MTM1: variants seen among roughly 807,000 people sequenced by gnomAD.
MTM1 encodes myotubularin.
MTM1 carries 9 observed loss-of-function variants against 52.1 expected under a neutral mutation model. That is an observed-to-expected ratio of 0.17 (90% CI 0.10 to 0.30). The LOEUF (loss-of-function observed/expected upper bound fraction) is 0.30. Among genes scored for constraint, MTM1 ranks in the 10% least tolerant of loss-of-function variants. The pLI is 1.00. For missense variants in MTM1, 277 were observed against 470.7 expected, an observed-to-expected ratio of 0.59 and a Z score of 3.81; for synonymous variants, 136 against 163.8, an observed-to-expected ratio of 0.83 and a Z score of 1.29.
chrX:150,641,511 TCTATC>T, intron 8 of MTM1, 93 bp downstream of exon 8: 1 of 1,042,085 alleles, frequency 9.6e-7, no homozygotes, highest in Non-Finnish European at 1.3e-6. Flanking sequence ...CTTTTGGAAT[TCTATC>T]CCAAAAAATA....
upstream of MTM1, among the ~76,000 whole-genome samples, chrX:150,566,511 G>A (rs782696940): frequency 7.2e-5 from 8 of 111,615 alleles, no homozygotes; most frequent in South Asian, 1.5e-3. Context: ...CACCTACACC[G>A]TGAGACAGGC....
chrX:150,626,157 T>C lies in MTM1; in HGVS notation c.444+7018T>C, dbSNP rs782080510. On this transcript the variant is annotated intron_variant, in intron 6 of 14. Coordinates refer to ENST00000370396, the MANE Select transcript of MTM1 (RefSeq NM_000252.3). ...CTTAAACACTACCATATCTACCCCA[T>C]GTCCTCTCTTGCTCTACTCCAGTTG... 2.7e-5 allele frequency among the ~76,000 whole-genome samples: 3 copies of C among 112,526 alleles called. No homozygotes were observed. The East Asian group carries it at 8.4e-4, about 31-fold the overall frequency.
At chrX:150,665,571 G>A (rs2040292320) in intron 14 of MTM1, among the ~76,000 whole-genome samples, 1 of 112,639 alleles carries the variant, frequency 8.9e-6, no homozygotes. Context: ...AGTTGTGTGA[G>A]CCAGAAGGTA....
intron 6 of MTM1, among the ~76,000 whole-genome samples, chrX:150,632,702 A>G (rs1557413608): frequency 9.0e-6 from 1 of 111,072 alleles, no homozygotes; most frequent in Non-Finnish European, 1.9e-5. Flanking sequence ...AAAGATTCAG[A>G]TGGTAAAATC....
intron 4 of MTM1, among the ~76,000 whole-genome samples, chrX:150,606,835 T>C (rs1569565413): frequency 1.0e-5 from 1 of 98,881 alleles, no homozygotes; most frequent in Admixed American, 1.1e-4. Context: ...CTTCCCTTTC[T>C]TCCCTTCCTT....
chrX:150,586,287 C>T (rs1275370526), intron 1 of MTM1, among the ~76,000 whole-genome samples: 1 of 111,306 alleles, frequency 9.0e-6, no homozygotes, highest in African/African-American at 3.3e-5. Flanking sequence ...GACAGTAAAC[C>T]GCTTACTTGG....
At chrX:150,648,393 T>C (rs184394783) in intron 9 of MTM1, among the ~76,000 whole-genome samples, 1 of 112,483 alleles carries the variant, frequency 8.9e-6, no homozygotes, top group Admixed American at 9.4e-5. Context: ...TACAAGCTTA[T>C]ATTCCTTCCA....
intron 6 of MTM1, among the ~76,000 whole-genome samples, chrX:150,629,723 T>G (rs2148474814): frequency 8.9e-6 from 1 of 112,371 alleles, no homozygotes; most frequent in South Asian, 3.7e-4. Context: ...AAATAGGTAA[T>G]ATATGTTCAT....
chrX:150,614,733 A>G (rs1557413094), intron 5 of MTM1, 34 bp downstream of exon 5: 3 of 786,169 alleles, frequency 3.8e-6, no homozygotes, highest in South Asian at 2.2e-5. Flanking sequence ...TGCAAAGAAC[A>G]AGGCACGTTA....
At position 150,663,596 on chromosome X, in the gene MTM1, G is replaced by A. The variant is rs782734371; in HGVS notation, c.1631G>A (p.Arg544Lys). 8.3e-7 allele frequency: 1 copy of A among 1,209,536 alleles called. No individual in the cohort carries two copies. Among genetic ancestry groups the A allele is most frequent in the Non-Finnish European group, 1.1e-6 (1 of 893,523 alleles). ...AATTACTACATTAGATGGAACCCCAGGATCAAGCAACAAGTAAGTGAAGTA... is the reference window on the plus strand; with the variant it reads ...AATTACTACATTAGATGGAACCCCAAGATCAAGCAACAAGTAAGTGAAGTA... ...WVNYYIRWNP[R>K]IKQQQPNPVE... The change falls in exon 14 of 15, where the codon AGG (arginine) becomes AAG (lysine). Residue 544 changes from arginine to lysine, a missense_variant. Physicochemically the swap from Arg to Lys is conservative, Grantham distance 26. Around this residue, in one of 4 missense-constraint regions of MTM1, gnomAD observed 51 missense variants for 52.2 expected, o/e 0.98. Transcript: ENST00000370396.
chrX:150,668,679 T>G (rs782790720), intron 14 of MTM1, among the ~76,000 whole-genome samples: 2 of 110,849 alleles, frequency 1.8e-5, no homozygotes, highest in African/African-American at 6.6e-5. Context: ...ACGATTGCAC[T>G]GCACTCCAGC....
intron 14 of MTM1, among the ~76,000 whole-genome samples, chrX:150,668,231 C>T (rs2040334283): frequency 8.9e-6 from 1 of 112,785 alleles, no homozygotes; most frequent in Non-Finnish European, 1.9e-5. Context: ...TTTGGGGCAT[C>T]TGCCCTGCAG....
chrX:150,658,041 G>T lies in MTM1; in HGVS notation c.1260+14G>T. 8.7e-7 allele frequency: 1 copy of T among 1,151,339 alleles called. No individual in the cohort carries two copies. 94.9% of individuals were successfully genotyped at this position (1,151,339 alleles called of 1,213,427 possible). Reference sequence around the variant, plus strand: ...AAATTTGCATCTGTGAGTAAACAAAGCTAATTTCTAAAAATAGATCACTAC... The same window carrying T: ...AAATTTGCATCTGTGAGTAAACAAATCTAATTTCTAAAAATAGATCACTAC... On this transcript the variant is annotated intron_variant, in intron 11 of 14. Transcript: ENST00000370396.
chrX:150,614,642 A>G lies in MTM1; in HGVS notation c.285A>G (p.Lys95=), dbSNP rs1292849674. ...TGGGTGTGATCTCGAGAATTGAAAA[A>G]ATGGGAGGCGCGACAAGTAGAGGAG... is the stretch of plus-strand genomic sequence containing the variant. ...VPLGVISRIE[K]MGGATSRGEN... is the part of the protein sequence containing the mutation. Residue 95 remains lysine (K), a synonymous_variant, in exon 5 of 15, where the codon AAA becomes AAG. Transcript: ENST00000370396. The G allele has an allele frequency of 5.0e-6, 6 of 1,203,603 alleles. No individual in the cohort carries two copies. The Admixed American group carries it at 6.6e-5, about 13-fold the overall frequency.
chrX:150,582,739 G>A (rs1261704214), intron 1 of MTM1, among the ~76,000 whole-genome samples: 2 of 110,718 alleles, frequency 1.8e-5, no homozygotes, highest in African/African-American at 6.6e-5. Flanking sequence ...GAGAGGCAAG[G>A]AAGCATTCTC....
chrX:150,564,146 T>C (rs2038234607), upstream of MTM1, among the ~76,000 whole-genome samples: 1 of 111,724 alleles, frequency 9.0e-6, no homozygotes, highest in African/African-American at 3.3e-5. Flanking sequence ...TCTATCATTA[T>C]TGTTTTGCCT....
At chrX:150,661,071 G>A (rs2040212332) in intron 13 of MTM1, among the ~76,000 whole-genome samples, 1 of 111,012 alleles carries the variant, frequency 9.0e-6, no homozygotes, top group East Asian at 2.8e-4. Context: ...GCCCAGGCTG[G>A]AGTACAGTGG....
chrX:150,613,962 T>G (rs1755594128), intron 4 of MTM1, among the ~76,000 whole-genome samples: 2 of 111,950 alleles, frequency 1.8e-5, no homozygotes, highest in African/African-American at 6.5e-5. Flanking sequence ...AGATGCTTGG[T>G]CTCTAGTGGG....
chrX:150,614,632 G>C lies in MTM1; in HGVS notation c.275G>C (p.Arg92Thr). Residue 92 changes from arginine (R) to threonine (T), a missense_variant, in exon 5 of 15, where the codon AGA (arginine) becomes ACA (threonine). Arg to Thr is a moderately conservative substitution (Grantham distance 71). Transcript: ENST00000370396. ...GATGTTCCTCTGGGTGTGATCTCGAGAATTGAAAAAATGGGAGGCGCGACA... is the reference window on the plus strand; with the variant it reads ...GATGTTCCTCTGGGTGTGATCTCGACAATTGAAAAAATGGGAGGCGCGACA... ...ILDVPLGVIS[R>T]IEKMGGATSR... is the part of the protein sequence containing the mutation. 1 of 1,205,933 alleles carries C rather than the reference G, an allele frequency of 8.3e-7. No individual in the cohort carries two copies. Among genetic ancestry groups the C allele is most frequent in the Non-Finnish European group, 1.1e-6 (1 of 890,993 alleles).
Sources: allele counts gnomAD v4.1 joint callset (sites outside exome capture counted in the v4.1 genomes callset), GRCh38; gene constraint gnomAD v4.1.1; regional missense constraint gnomAD v4.1.1; transcripts MANE v1.5; gene names NCBI Gene and HGNC (gene_info 2026-07-23, HGNC 2026-07-21).